OR2L13: variants seen among roughly 807,000 people sequenced by gnomAD.
OR2L13 encodes the protein olfactory receptor 2L13.
In OR2L13, 14 loss-of-function variants were observed where a neutral mutation model predicts 15.3. That is an observed-to-expected ratio of 0.91 (90% CI 0.60 to 1.43). OR2L13 has a LOEUF of 1.43. OR2L13 is among the 40% of genes most tolerant of loss of function. The pLI, the probability that OR2L13 is intolerant of heterozygous loss-of-function variation, is 0.00. For missense variants in OR2L13, 367 were observed against 387.9 expected (o/e 0.95, Z 0.45); for synonymous variants, 152 against 142.9 (o/e 1.06, Z -0.45).
the OR2L13 span, among the ~76,000 whole-genome samples, chr1:247,940,302 T>A: frequency 6.6e-6 from 1 of 152,172 alleles, no homozygotes; most frequent in Non-Finnish European, 1.5e-5. Flanking sequence ...TCCTAAAAGT[T>A]ATTGCAAAGA....
the OR2L13 span, among the ~76,000 whole-genome samples, chr1:247,962,078 T>C: frequency 6.6e-6 from 1 of 152,140 alleles, no homozygotes; most frequent in Non-Finnish European, 1.5e-5. Context: ...TGGAGTCCAA[T>C]TTTTTGCTTT....
At chr1:248,055,560 A>C in the OR2L13 span, among the ~76,000 whole-genome samples, 21 of 152,230 alleles carry the variant, frequency 1.4e-4, no homozygotes, top group Admixed American at 1.4e-3. Context: ...GTTCGAGACC[A>C]GCCTGGCCAA....
At chr1:248,074,391 A>G in the OR2L13 span, among the ~76,000 whole-genome samples, 1 of 152,072 alleles carries the variant, frequency 6.6e-6, no homozygotes, top group Non-Finnish European at 1.5e-5. Context: ...TGTTAAAAAA[A>G]AAAAAAGTCA....
At chr1:248,044,428 C>T in the OR2L13 span, among the ~76,000 whole-genome samples, 1 of 152,154 alleles carries the variant, frequency 6.6e-6, no homozygotes, top group Non-Finnish European at 1.5e-5. Flanking sequence ...TCTTCATCTC[C>T]CTGTCTCATG....
At chr1:248,090,207 T>C (rs1428690649), upstream of OR2L13, among the ~76,000 whole-genome samples, 1 of 152,186 alleles carries the variant, frequency 6.6e-6, no homozygotes, top group East Asian at 1.9e-4. Flanking sequence ...TTTCGTTTGG[T>C]AACATCTCTG....
At chr1:248,039,222 TAG>T in the OR2L13 span, 1 of 1,590,502 alleles carries the variant, frequency 6.3e-7, no homozygotes, top group Non-Finnish European at 8.6e-7. Flanking sequence ...CGTTCTGTGT[TAG>T]AGTCAAAGCG....
the OR2L13 span, chr1:248,083,726 C>A: frequency 3.7e-6 from 6 of 1,613,542 alleles, no homozygotes; most frequent in Admixed American, 5.0e-5. Context: ...CACTGTTCCT[C>A]ACACTGTAGA....
chr1:247,958,559 A>G, the OR2L13 span, among the ~76,000 whole-genome samples: 92 of 152,224 alleles, frequency 6.0e-4, 1 homozygote, highest in African/African-American at 2.1e-3. Flanking sequence ...GTCTCCCATT[A>G]TTATTGTGTG....
chr1:247,945,913 G>A, the OR2L13 span, among the ~76,000 whole-genome samples: 1 of 152,022 alleles, frequency 6.6e-6, no homozygotes, highest in Non-Finnish European at 1.5e-5. Context: ...TGTGTCTCTC[G>A]AATACAGCAC....
the OR2L13 span, chr1:247,948,744 C>T: frequency 2.6e-6 from 2 of 780,614 alleles, no homozygotes; most frequent in Non-Finnish European, 4.3e-6. Context: ...GTATCAACTG[C>T]AGTTTCAAAC....
At chr1:248,047,742 G>A in the OR2L13 span, among the ~76,000 whole-genome samples, 389 of 152,254 alleles carry the variant, frequency 2.6e-3, 2 homozygotes, top group Non-Finnish European at 4.0e-3. Context: ...CAATGTGAAG[G>A]CTATATTACT....
At chr1:248,038,577 T>C in the OR2L13 span, 7,238 of 1,614,168 alleles carry the variant, frequency 4.5e-3, 286 homozygotes, top group African/African-American at 0.08. Context: ...TTTCTTCTTC[T>C]TGACTTTAGC....
At chr1:248,098,466 T>C (rs1422604337) in intron 1 of OR2L13, among the ~76,000 whole-genome samples, 185 bp from the exon 2 acceptor site, 9 of 152,208 alleles carry the variant, frequency 5.9e-5, no homozygotes, top group Non-Finnish European at 1.2e-4. Flanking sequence ...CCTGTCATGT[T>C]CCCAACTTTT....
chr1:248,017,639 A>G, the OR2L13 span, among the ~76,000 whole-genome samples: 19 of 152,132 alleles, frequency 1.2e-4, no homozygotes, highest in African/African-American at 4.6e-4. Context: ...GGCGTGAATG[A>G]CATGCAGGGG....
chr1:248,068,280 G>A, the OR2L13 span, among the ~76,000 whole-genome samples: 20 of 152,122 alleles, frequency 1.3e-4, 1 homozygote, highest in South Asian at 1.9e-3. Flanking sequence ...CACACGGCCG[G>A]GTACTCCTCT....
At chr1:248,001,333 G>A in the OR2L13 span, among the ~76,000 whole-genome samples, 5 of 151,788 alleles carry the variant, frequency 3.3e-5, no homozygotes, top group African/African-American at 4.8e-5. Context: ...CATGTGAGAC[G>A]TAGTTCAGGT....
the OR2L13 span, among the ~76,000 whole-genome samples, chr1:248,073,038 C>G: frequency 6.6e-6 from 1 of 151,548 alleles, no homozygotes; most frequent in Non-Finnish European, 1.5e-5. Context: ...GGACTGTAAA[C>G]TAGTTCAACC....
At chr1:247,981,818 T>A in the OR2L13 span, among the ~76,000 whole-genome samples, 1 of 123,906 alleles carries the variant, frequency 8.1e-6, no homozygotes, top group South Asian at 2.3e-4. Context: ...ATAATAACAA[T>A]TTTTTTTTTT....
At chr1:248,010,644 T>G in the OR2L13 span, among the ~76,000 whole-genome samples, 1 of 152,062 alleles carries the variant, frequency 6.6e-6, no homozygotes, top group African/African-American at 2.4e-5. Flanking sequence ...AATAGTTAGC[T>G]CTTCTTGTTG....
Sources: allele counts gnomAD v4.1 joint callset (sites outside exome capture counted in the v4.1 genomes callset), GRCh38; gene constraint gnomAD v4.1.1; transcripts MANE v1.5; gene names NCBI Gene and HGNC (gene_info 2026-07-23, HGNC 2026-07-21).